The following SAXO1 variants were observed in gnomAD, a reference collection of about 807,000 sequenced individuals.
SAXO1 encodes 4930500O09Rik.
A neutral mutation model predicts 17.5 loss-of-function variants in SAXO1; 21 were observed. The ratio of observed to expected loss-of-function variants is 1.20; its 90% confidence interval spans 0.85 to 1.72. The LOEUF (loss-of-function observed/expected upper bound fraction) is 1.72, where lower values mean the gene tolerates loss of function less well. Among genes scored for constraint, SAXO1 ranks in the 40% most tolerant of loss-of-function variants. SAXO1 has a pLI of 0.00. For synonymous variants in SAXO1, 274 were observed against 216.5 expected, an observed-to-expected ratio of 1.27 and a Z score of -2.33; for missense variants, 843 against 596.0, an observed-to-expected ratio of 1.41 and a Z score of -4.32.
intron 1 of SAXO1, among the ~76,000 whole-genome samples, chr9:18,999,025 T>G (rs889962444): frequency 6.6e-6 from 1 of 152,222 alleles, no homozygotes; most frequent in African/African-American, 2.4e-5. Context: ...AGACCACTGA[T>G]GCTATGAAGA....
At chr9:19,016,043 T>A (rs537414233) in intron 1 of SAXO1, among the ~76,000 whole-genome samples, 1 of 152,168 alleles carries the variant, frequency 6.6e-6, no homozygotes. Context: ...GACATTCACA[T>A]GCAGGGGAAG....
intron 1 of SAXO1, chr9:19,027,697 G>A: frequency 1.5e-6 from 2 of 1,342,676 alleles, no homozygotes; most frequent in Non-Finnish European, 2.1e-6. Context: ...CTGATGAGCT[G>A]GATGCCATAG....
At chr9:18,979,477 T>G (rs1833282421) in intron 1 of SAXO1, among the ~76,000 whole-genome samples, 1 of 152,130 alleles carries the variant, frequency 6.6e-6, no homozygotes, top group Non-Finnish European at 1.5e-5. Context: ...AAGAGAAGGA[T>G]TTGAGCAAAG....
intron 1 of SAXO1, chr9:19,027,974 G>A: frequency 6.5e-7 from 1 of 1,542,170 alleles, no homozygotes; most frequent in Non-Finnish European, 8.9e-7. Flanking sequence ...CTGACCCGCT[G>A]CACAGATGAC....
chr9:18,938,821 CGTGTGTGTGTGTGTGT>C (rs67090530), intron 3 of SAXO1, among the ~76,000 whole-genome samples: 1 of 78,510 alleles, frequency 1.3e-5, no homozygotes, highest in East Asian at 3.5e-4. Flanking sequence ...TGCGTGCGTG[CGTGTGTGTGTGTGTGT>C]GTGTGTGTGT....
At chr9:18,931,063 G>T (rs10963842) in intron 3 of SAXO1, among the ~76,000 whole-genome samples, 57,171 of 152,074 alleles carry the variant, frequency 0.38, 11,182 homozygotes, top group African/African-American at 0.48. Context: ...GGTACCATCT[G>T]AAGTACACAA....
intron 1 of SAXO1, among the ~76,000 whole-genome samples, chr9:19,008,980 G>A (rs1343147281): frequency 1.3e-5 from 2 of 152,080 alleles, no homozygotes; most frequent in African/African-American, 4.8e-5. Context: ...CTAATTGATG[G>A]GTCAGTTTAG....
intron 1 of SAXO1, among the ~76,000 whole-genome samples, chr9:18,981,349 G>A (rs143215128): frequency 6.6e-6 from 1 of 152,272 alleles, no homozygotes; most frequent in Non-Finnish European, 1.5e-5. Context: ...TTCCAAACAA[G>A]TCTGGAAACT....
chr9:18,993,846 T>C (rs1833906836), intron 1 of SAXO1, among the ~76,000 whole-genome samples: 1 of 152,098 alleles, frequency 6.6e-6, no homozygotes, highest in Non-Finnish European at 1.5e-5. Flanking sequence ...GAGAAGCAGC[T>C]AAAACTTGGG....
At chr9:18,997,586 G>A (rs982708178) in intron 1 of SAXO1, among the ~76,000 whole-genome samples, 3 of 152,242 alleles carry the variant, frequency 2.0e-5, no homozygotes, top group African/African-American at 4.8e-5. Context: ...AAATGTCCCT[G>A]CCAGATAGTT....
chr9:19,040,298 G>A (rs1426934900), intron 1 of SAXO1, among the ~76,000 whole-genome samples: 1 of 152,014 alleles, frequency 6.6e-6, no homozygotes, highest in African/African-American at 2.4e-5. Flanking sequence ...TGAGCATTTG[G>A]GAAAGTCAAG....
chr9:19,015,578 G>C (rs146184503), intron 1 of SAXO1, among the ~76,000 whole-genome samples: 2 of 151,232 alleles, frequency 1.3e-5, no homozygotes, highest in African/African-American at 4.9e-5. Flanking sequence ...TCCTAACCTC[G>C]AGTGATCACC....
chr9:18,963,089 A>G (rs1832555952), intron 1 of SAXO1, among the ~76,000 whole-genome samples: 1 of 152,178 alleles, frequency 6.6e-6, no homozygotes. Context: ...TGTCAGATTT[A>G]TCAAAGATCA....
At chr9:18,979,044 T>A (rs1427267468) in intron 1 of SAXO1, among the ~76,000 whole-genome samples, 4 of 152,182 alleles carry the variant, frequency 2.6e-5, no homozygotes, top group African/African-American at 7.2e-5. Flanking sequence ...TCTTCACAAA[T>A]AAAGGTAAGG....
rs748882180 is a variant in SAXO1, at chr9:18,928,896, G to C, written c.581C>G (p.Pro194Arg). The change falls in exon 4 of 4, where the codon CCA becomes CGA. Residue 194 changes from proline (P) to arginine (R), a missense_variant. By Grantham distance (103) the Pro-to-Arg change is moderately radical. Transcript: ENST00000380534. Reference sequence around the variant, plus strand: ...CTCCAAGGGGATGTTACAGAGCTTTGGCATGGCCAGAGGTTTACAGCTTAT... The same window carrying C: ...CTCCAAGGGGATGTTACAGAGCTTTCGCATGGCCAGAGGTTTACAGCTTAT... Reference protein sequence around the residue: ...KTISCKPLAMPKLCNIPLEDV... With the variant: ...KTISCKPLAMRKLCNIPLEDV... The C allele has an allele frequency of 1.1e-5, 18 of 1,613,970 alleles. No individual in the cohort carries two copies. In the Admixed American group the frequency reaches 2.2e-4, roughly 19 times the overall value.
intron 1 of SAXO1, among the ~76,000 whole-genome samples, chr9:18,998,504 G>A (rs1442327336): frequency 6.6e-6 from 1 of 152,210 alleles, no homozygotes; most frequent in Non-Finnish European, 1.5e-5. Flanking sequence ...GTACCTGAAA[G>A]TGATGGGGAG....
intron 2 of SAXO1, among the ~76,000 whole-genome samples, chr9:18,946,906 G>A (rs1268325740): frequency 6.6e-6 from 1 of 152,176 alleles, no homozygotes; most frequent in Non-Finnish European, 1.5e-5. Context: ...AGATAAGGGA[G>A]AAAAACTTGA....
chr9:19,010,695 A>G (rs1399463609), intron 1 of SAXO1, among the ~76,000 whole-genome samples: 4 of 152,218 alleles, frequency 2.6e-5, no homozygotes, highest in Non-Finnish European at 5.9e-5. Flanking sequence ...AAACGGGTTA[A>G]AAAAGACAAT....
At chr9:19,047,082 G>T (rs6475312) in intron 1 of SAXO1, among the ~76,000 whole-genome samples, 70,554 of 152,030 alleles carry the variant, frequency 0.46, 17,180 homozygotes, top group African/African-American at 0.61. Flanking sequence ...AGCTACTCGG[G>T]AGGCTGAGCC....
Sources: allele counts gnomAD v4.1 joint callset (sites outside exome capture counted in the v4.1 genomes callset), GRCh38; gene constraint gnomAD v4.1.1; transcripts MANE v1.5; gene names NCBI Gene and HGNC (gene_info 2026-07-23, HGNC 2026-07-21).